The following CTNNA3 variants were observed in gnomAD, a reference collection of about 807,000 sequenced individuals.
The protein encoded by CTNNA3 is catenin alpha-3.
A neutral mutation model predicts 95.7 loss-of-function variants in CTNNA3; 76 were observed. The ratio of observed to expected loss-of-function variants is 0.79; its 90% confidence interval spans 0.66 to 0.96. The LOEUF is 0.96. Among genes scored for constraint, CTNNA3 ranks in the 40% least tolerant of loss-of-function variants. CTNNA3 has a pLI of 0.00. For synonymous variants in CTNNA3, 431 were observed against 374.4 expected (o/e 1.15, Z -1.74); for missense variants, 1,191 against 1,089.8 (o/e 1.09, Z -1.31).
Position 67,603,493 on chromosome 10 carries a change from G to A in CTNNA3, c.292+3364C>T, listed in dbSNP as rs530785306. 4.0e-4 allele frequency among the ~76,000 whole-genome samples: 61 copies of A among 152,112 alleles called. 1 individual carries two copies. Among genetic ancestry groups the A allele is most frequent in the African/African-American group, 1.3e-3 (55 of 41,486 alleles). On this transcript the variant is annotated intron_variant, in intron 3 of 17. Transcript: ENST00000433211. The stretch of plus-strand genomic sequence containing the variant: ...TATTGCCCCTGAAGACCTTTCAGTG[G>A]GACAAGATATGAAAGTGGAAGGCAG...
At chr10:67,636,458 G>A (rs1004317507) in intron 2 of CTNNA3, among the ~76,000 whole-genome samples, 12 of 152,168 alleles carry the variant, frequency 7.9e-5, no homozygotes, top group Non-Finnish European at 1.3e-4. Flanking sequence ...CATGGTACTG[G>A]TATAAAAACA....
intron 5 of CTNNA3, among the ~76,000 whole-genome samples, chr10:67,375,405 C>T (rs545888962): frequency 3.9e-5 from 6 of 152,062 alleles, no homozygotes; most frequent in African/African-American, 1.4e-4. Flanking sequence ...CAGGAGTTCA[C>T]AACCAGCCTA....
chr10:66,651,501 C>T (rs1291456552), intron 9 of CTNNA3, among the ~76,000 whole-genome samples: 8 of 151,976 alleles, frequency 5.3e-5, no homozygotes, highest in East Asian at 3.9e-4. Flanking sequence ...GACTGGGCGC[C>T]GCAGAGAAGG....
In CTNNA3 at chr10:66,322,291, A is replaced by G. The variant is rs535060455; in HGVS notation, c.1733-41670T>C. 2.0e-5 allele frequency among the ~76,000 whole-genome samples: 3 copies of G among 152,264 alleles called. 1 individual carries two copies. Among genetic ancestry groups the G allele is most frequent in the African/African-American group, 7.2e-5 (3 of 41,568 alleles). Reference sequence around the variant, plus strand: ...ATATGTGCAACAGCTCTTTTCAGGCACTGGAAAACAGACACTAAGGAACTG... The same window carrying G: ...ATATGTGCAACAGCTCTTTTCAGGCGCTGGAAAACAGACACTAAGGAACTG... On this transcript the variant is annotated intron_variant, in intron 12 of 17. Transcript: ENST00000433211.
intron 6 of CTNNA3, among the ~76,000 whole-genome samples, chr10:67,192,391 C>T (rs1471694298): frequency 1.3e-5 from 2 of 151,646 alleles, no homozygotes; most frequent in Non-Finnish European, 3.0e-5. Context: ...AGTAGGAAGT[C>T]ATACCACTCA....
At chr10:66,747,641 A>C (rs1188197646) in intron 9 of CTNNA3, among the ~76,000 whole-genome samples, 2 of 152,128 alleles carry the variant, frequency 1.3e-5, no homozygotes, top group Non-Finnish European at 2.9e-5. Context: ...AATTCCAGAA[A>C]TTACATGTGG....
chr10:67,551,156 A>G (rs1841015544), intron 3 of CTNNA3, among the ~76,000 whole-genome samples: 1 of 152,174 alleles, frequency 6.6e-6, no homozygotes, highest in Middle Eastern at 3.4e-3. Context: ...TGGCAGGCAG[A>G]CACACAAGCG....
At chr10:66,974,803 T>C (rs182965638) in intron 7 of CTNNA3, among the ~76,000 whole-genome samples, 62 of 152,124 alleles carry the variant, frequency 4.1e-4, no homozygotes, top group Admixed American at 2.3e-3. Flanking sequence ...ACCAACCATT[T>C]GTTTTTTTTT....
intron 7 of CTNNA3, among the ~76,000 whole-genome samples, chr10:66,911,297 T>C (rs1030733116): frequency 2.0e-5 from 3 of 152,208 alleles, no homozygotes; most frequent in African/African-American, 4.8e-5. Flanking sequence ...AAAAAATTTG[T>C]ATAGTTCCCA....
chr10:66,158,877 A>G (rs1320503517), intron 13 of CTNNA3, among the ~76,000 whole-genome samples: 1 of 151,692 alleles, frequency 6.6e-6, no homozygotes, highest in Non-Finnish European at 1.5e-5. Flanking sequence ...TTGGTTAGGT[A>G]TATTCCTAAA....
chr10:66,017,053 C>G (rs191151730), intron 15 of CTNNA3, among the ~76,000 whole-genome samples: 1 of 152,018 alleles, frequency 6.6e-6, no homozygotes, highest in South Asian at 2.1e-4. Context: ...ATAAAGTTCA[C>G]CATATAATCT....
chr10:67,249,718 T>A (rs1375835069), intron 5 of CTNNA3, among the ~76,000 whole-genome samples: 2 of 152,242 alleles, frequency 1.3e-5, no homozygotes, highest in Admixed American at 1.3e-4. Context: ...GAGCCTATCA[T>A]GGCAGCTCCA....
intron 7 of CTNNA3, among the ~76,000 whole-genome samples, chr10:66,960,448 C>A (rs946712946): frequency 2.6e-5 from 4 of 152,030 alleles, no homozygotes; most frequent in African/African-American, 9.7e-5. Context: ...AACCCTACAG[C>A]AAAACAGAAG....
intron 11 of CTNNA3, among the ~76,000 whole-genome samples, chr10:66,482,623 C>T (rs1408436122): frequency 6.6e-6 from 1 of 152,032 alleles, no homozygotes; most frequent in African/African-American, 2.4e-5. Flanking sequence ...TACCTGTATA[C>T]GATTGCTTTT....
chr10:66,643,988 A>T lies in CTNNA3; in HGVS notation c.1282-22204T>A, dbSNP rs573244925. 5.3e-5 allele frequency among the ~76,000 whole-genome samples: 8 copies of T among 152,220 alleles called. No individual in the cohort carries two copies. In the South Asian group the frequency reaches 1.7e-3, roughly 32 times the overall value. On this transcript the variant is annotated intron_variant, in intron 9 of 17. Coordinates refer to ENST00000433211, the MANE Select transcript of CTNNA3 (RefSeq NM_013266.4). ...TGCTGACAAAATAGGCCAGGCATGGAGGCTCATGCCTATAATCCCAGCACT... is the reference window on the plus strand; with the variant it reads ...TGCTGACAAAATAGGCCAGGCATGGTGGCTCATGCCTATAATCCCAGCACT...
At chr10:66,557,155 T>C (rs547526908) in intron 10 of CTNNA3, among the ~76,000 whole-genome samples, 2 of 152,178 alleles carry the variant, frequency 1.3e-5, no homozygotes, top group East Asian at 3.9e-4. Flanking sequence ...CATTCTCTAT[T>C]TTTTGTTGAA....
chr10:66,103,516 T>C (rs1435206297), intron 13 of CTNNA3, among the ~76,000 whole-genome samples: 2 of 152,120 alleles, frequency 1.3e-5, no homozygotes, highest in Non-Finnish European at 2.9e-5. Flanking sequence ...ATGTGGTGCA[T>C]GTGTACAATG....
intron 9 of CTNNA3, among the ~76,000 whole-genome samples, chr10:66,696,182 T>C (rs1049773671): frequency 5.9e-5 from 9 of 152,302 alleles, no homozygotes; most frequent in African/African-American, 2.2e-4. Flanking sequence ...TTATATGAAT[T>C]TAACTTCATC....
At chr10:66,939,901 T>C (rs1199816792) in intron 7 of CTNNA3, among the ~76,000 whole-genome samples, 2 of 152,236 alleles carry the variant, frequency 1.3e-5, no homozygotes, top group Non-Finnish European at 2.9e-5. Context: ...AATCCTCAAG[T>C]TCTCTCTTTG....
Sources: gnomAD v4.1 joint callset for allele counts (sites outside exome capture counted in the v4.1 genomes callset) on GRCh38, gnomAD v4.1.1 for gene constraint, MANE v1.5 for transcripts, NCBI Gene and HGNC (gene_info 2026-07-23, HGNC 2026-07-21) for gene names.